Variants in CIT observed in about 807,000 individuals in gnomAD.
CIT encodes the protein citron rho-interacting serine/threonine kinase, also known as citron Rho-interacting kinase.
Under a neutral mutation model 272.7 loss-of-function variants are expected in CIT, and 79 were observed. The observed-to-expected ratio is 0.29, with a 90% CI of 0.24 to 0.35. The LOEUF is 0.35. CIT is among the 10% of genes least tolerant of loss of function. The probability of loss-of-function intolerance (pLI) is 1.00; values close to 1 mark genes in which losing one functional copy is unlikely to be tolerated. For missense variants in CIT, 1,909 were observed against 2,618.3 expected, an observed-to-expected ratio of 0.73 and a Z score of 5.91; for synonymous variants, 948 against 995.6, an observed-to-expected ratio of 0.95 and a Z score of 0.90.
chr12:119,766,620 TAAAG>T, intron 19 of CIT, among the ~76,000 whole-genome samples: 1 of 152,178 alleles, frequency 6.6e-6, no homozygotes, highest in East Asian at 1.9e-4. Context: ...TAAAATAACT[TAAAG>T]AATGTAATTA....
intron 30 of CIT, chr12:119,719,108 A>G: frequency 2.2e-6 from 1 of 451,990 alleles, no homozygotes; most frequent in Non-Finnish European, 4.1e-6. Flanking sequence ...AATGGCCACC[A>G]CCTCTTCCTC....
At chr12:119,702,501 C>T (rs1276944326) in intron 41 of CIT, among the ~76,000 whole-genome samples, 1 of 152,024 alleles carries the variant, frequency 6.6e-6, no homozygotes, top group Non-Finnish European at 1.5e-5. Flanking sequence ...GTGTAGCCAA[C>T]ATGGTGAAAC....
rs1161867189 is a variant in CIT at position 119,742,472 on chromosome 12, G to GT, written c.2905-9dup. On this transcript the variant is annotated splice_polypyrimidine_tract_variant and intron_variant, in intron 23 of 47. Coordinates refer to ENST00000392521, the MANE Select transcript of CIT (RefSeq NM_001206999.2). ...GATTTCATCTCTATGTGCCTAAAAG[G>GT]TAAGAAGTTGATTATAAATTTTTCA... is the stretch of plus-strand genomic sequence containing the variant. The GT allele has an allele frequency of 6.2e-7, 1 of 1,606,192 alleles. No individual in the cohort carries two copies. The highest frequency in any genetic ancestry group is 8.5e-7 in the Non-Finnish European group (1 of 1,176,150).
intron 4 of CIT, among the ~76,000 whole-genome samples, chr12:119,855,585 G>A (rs1970534581): frequency 6.6e-6 from 1 of 151,718 alleles, no homozygotes. Flanking sequence ...TCCCTTCACT[G>A]CTTGTGCTGG....
chr12:119,834,402 T>TA (rs1336345058), intron 5 of CIT, among the ~76,000 whole-genome samples, 174 bp from the exon 6 acceptor site: 2 of 152,168 alleles, frequency 1.3e-5, no homozygotes, highest in African/African-American at 4.8e-5. Flanking sequence ...CTAAGGAAAT[T>TA]ACATCTGTTA....
chr12:119,860,820 C>CT (rs751390594), intron 3 of CIT, among the ~76,000 whole-genome samples: 5 of 143,762 alleles, frequency 3.5e-5, no homozygotes, highest in South Asian at 2.3e-4. Flanking sequence ...CCTATGATTA[C>CT]TTAAAAAAAA....
At chr12:119,844,061 G>A (rs1487457759) in intron 5 of CIT, among the ~76,000 whole-genome samples, 57 of 141,654 alleles carry the variant, frequency 4.0e-4, no homozygotes, top group Non-Finnish European at 1.4e-4. Context: ...TTGCTTTGTC[G>A]CCCAGGCTGG....
chr12:119,790,006 A>G (rs574155), intron 10 of CIT, among the ~76,000 whole-genome samples: 67,564 of 151,298 alleles, frequency 0.45, 15,568 homozygotes, highest in Admixed American at 0.56. Context: ...GAGCCACTGC[A>G]CCCGGCCTGT....
intron 5 of CIT, among the ~76,000 whole-genome samples, chr12:119,848,746 C>G (rs1205705966): frequency 6.6e-6 from 1 of 152,074 alleles, no homozygotes; most frequent in African/African-American, 2.4e-5. Flanking sequence ...CCCACCGGAG[C>G]TGGGCATGGT....
intron 39 of CIT, among the ~76,000 whole-genome samples, chr12:119,708,732 C>T (rs1565917347): frequency 6.6e-6 from 1 of 152,214 alleles, no homozygotes; most frequent in Admixed American, 6.5e-5. Flanking sequence ...TTGTGATCTG[C>T]CCGCCTCAGC....
At chr12:119,789,536 T>TG (rs1191416144) in intron 10 of CIT, among the ~76,000 whole-genome samples, 1 of 152,228 alleles carries the variant, frequency 6.6e-6, no homozygotes, top group Non-Finnish European at 1.5e-5. Context: ...TGGCTCAATT[T>TG]AAAATGTTTA....
At chr12:119,846,923 AAAC>A (rs1298437093) in intron 5 of CIT, among the ~76,000 whole-genome samples, 1 of 150,738 alleles carries the variant, frequency 6.6e-6, no homozygotes, top group Non-Finnish European at 1.5e-5. Context: ...TACGTATCTA[AAAC>A]AACAATAACA....
intron 40 of CIT, among the ~76,000 whole-genome samples, chr12:119,706,089 C>CAA (rs776220898): frequency 0.1 from 10,045 of 98,472 alleles, 1,010 homozygotes; most frequent in African/African-American, 0.27. Flanking sequence ...GACTCTGTGT[C>CAA]AAAAAAAAAA....
At chr12:119,756,294 G>C (rs1000121816) in intron 22 of CIT, among the ~76,000 whole-genome samples, 1 of 152,208 alleles carries the variant, frequency 6.6e-6, no homozygotes, top group Non-Finnish European at 1.5e-5. Flanking sequence ...ACACAGGAAC[G>C]AAGCAGCGAA....
At chr12:119,696,713 G>C (rs1025174579) in intron 46 of CIT, among the ~76,000 whole-genome samples, 1 of 152,122 alleles carries the variant, frequency 6.6e-6, no homozygotes, top group African/African-American at 2.4e-5. Flanking sequence ...TTTTTGTAGA[G>C]ATAGGGTTTT....
At chr12:119,876,009 G>A (rs559233801) in intron 2 of CIT, 64 bp downstream of exon 2, 12 of 977,626 alleles carry the variant, frequency 1.2e-5, no homozygotes, top group East Asian at 4.9e-5. Flanking sequence ...AAAAGCAAAG[G>A]TGAGTGACAA....
At chr12:119,762,749 GC>G (rs1401770244) in intron 19 of CIT, among the ~76,000 whole-genome samples, 22 of 152,282 alleles carry the variant, frequency 1.4e-4, no homozygotes, top group African/African-American at 5.1e-4. Context: ...AAGAACGTAT[GC>G]ACTAGGCCAG....
intron 19 of CIT, among the ~76,000 whole-genome samples, chr12:119,764,391 G>C (rs1274544346): frequency 6.6e-6 from 1 of 152,102 alleles, no homozygotes; most frequent in African/African-American, 2.4e-5. Context: ...TAGCAAACTT[G>C]GGAATGACCC....
chr12:119,862,309 T>C (rs1390455879), intron 3 of CIT, among the ~76,000 whole-genome samples: 2 of 152,144 alleles, frequency 1.3e-5, no homozygotes, highest in African/African-American at 4.8e-5. Context: ...TGGGGTACGT[T>C]TTTAAATTTC....
Sources: allele counts gnomAD v4.1 joint callset (sites outside exome capture counted in the v4.1 genomes callset), GRCh38; gene constraint gnomAD v4.1.1; transcripts MANE v1.5; gene names NCBI Gene and HGNC (gene_info 2026-07-23, HGNC 2026-07-21).